UNC80: variants seen among roughly 807,000 people sequenced by gnomAD.
The protein encoded by UNC80 is unc-80 subunit of NALCN channel complex.
Under a neutral mutation model 384.6 loss-of-function variants are expected in UNC80, and 164 were observed. The ratio of observed to expected loss-of-function variants is 0.43; its 90% CI spans 0.38 to 0.49. UNC80 has a LOEUF of 0.49. Ranked by LOEUF, UNC80 falls within the 20% of genes least tolerant of loss-of-function variation. The probability of loss-of-function intolerance (pLI) is 0.00; values close to 1 mark genes in which losing one functional copy is unlikely to be tolerated. For missense variants in UNC80, 3,330 were observed against 4,143.0 expected (o/e 0.80, Z 5.39); for synonymous variants, 1,486 against 1,527.8 (o/e 0.97, Z 0.64).
At chr2:209,967,659 C>A in intron 52 of UNC80, 22 bp downstream of exon 52, 1 of 1,545,850 alleles carries the variant, frequency 6.5e-7, no homozygotes, top group South Asian at 1.2e-5. Context: ...TCCGAGTTAG[C>A]TGTTGCTATC....
chr2:209,970,673 T>C (rs1399349629), intron 53 of UNC80, among the ~76,000 whole-genome samples, 159 bp from the exon 54 acceptor site: 1 of 152,228 alleles, frequency 6.6e-6, no homozygotes, highest in Non-Finnish European at 1.5e-5. Flanking sequence ...ACTCCAGACA[T>C]TACATGCCTT....
intron 4 of UNC80, among the ~76,000 whole-genome samples, chr2:209,783,968 C>T (rs530267116): frequency 6.6e-6 from 1 of 152,302 alleles, no homozygotes; most frequent in Admixed American, 6.5e-5. Context: ...AGTGCTTACT[C>T]GGTATCTCTA....
intron 33 of UNC80, 55 bp from the exon 34 acceptor site, chr2:209,921,445 C>T: frequency 6.7e-7 from 1 of 1,487,162 alleles, no homozygotes; most frequent in East Asian, 2.5e-5. Flanking sequence ...CTCTTTATGC[C>T]TGTGACCTTG....
intron 29 of UNC80, among the ~76,000 whole-genome samples, chr2:209,911,435 G>C (rs1002069897): frequency 4.6e-5 from 7 of 152,120 alleles, no homozygotes. Context: ...AGCACAACAA[G>C]AGCCCTGATT....
In UNC80 at chr2:209,976,777, C is replaced by A; in HGVS notation, c.8773-136C>A. 1 of 978,446 alleles carries A rather than the reference C, an allele frequency of 1.0e-6. No individual in the cohort carries two copies. The highest frequency in any genetic ancestry group is 1.5e-6 in the Non-Finnish European group (1 of 686,674). 60.6% of individuals were successfully genotyped at this position (978,446 alleles called of 1,614,324 possible). On this transcript the variant is annotated intron_variant, in intron 57 of 64. Transcript: ENST00000673920. The surrounding 1 kb of genome is among the most constrained non-coding windows in gnomAD (Gnocchi z 4.3). ...AAAACGATGTAATTATTAAGCACTT[C>A]CTGTGTAAAGTGCCGTTCTAGGAAC...
intron 22 of UNC80, among the ~76,000 whole-genome samples, chr2:209,865,558 C>A (rs1400457772): frequency 6.6e-6 from 1 of 150,782 alleles, no homozygotes; most frequent in Non-Finnish European, 1.5e-5. Context: ...GCCGAGATCC[C>A]GCCACTGCAC....
At chr2:209,929,632 A>C (rs1298103111) in intron 36 of UNC80, among the ~76,000 whole-genome samples, 3 of 152,228 alleles carry the variant, frequency 2.0e-5, no homozygotes, top group Non-Finnish European at 4.4e-5. Context: ...TATTCTTTGC[A>C]AAAGCATTGC....
chr2:209,793,532 A>C (rs1396497620), intron 6 of UNC80, among the ~76,000 whole-genome samples, 188 bp from the exon 7 acceptor site: 1 of 152,214 alleles, frequency 6.6e-6, no homozygotes, highest in Non-Finnish European at 1.5e-5. Context: ...ATCCCTAGAA[A>C]TCTGTTTCTA....
At chr2:209,825,764 C>A in intron 13 of UNC80, 143 bp from the exon 14 acceptor site, 2 of 686,532 alleles carry the variant, frequency 2.9e-6, no homozygotes, top group Non-Finnish European at 4.3e-6. Flanking sequence ...GTTTGTTGAG[C>A]CCGTTACAAT....
intron 24 of UNC80, among the ~76,000 whole-genome samples, chr2:209,879,097 C>T (rs925096978): frequency 1.3e-5 from 2 of 151,690 alleles, no homozygotes; most frequent in African/African-American, 4.9e-5. Context: ...CAAATCAGAG[C>T]AAATCTTCTT....
intron 52 of UNC80, chr2:209,968,068 A>G (rs2092786339): frequency 6.5e-6 from 1 of 153,060 alleles, no homozygotes; most frequent in Non-Finnish European, 1.5e-5. Context: ...TCCAAGCTTT[A>G]CAATAATCGC....
intron 38 of UNC80, among the ~76,000 whole-genome samples, chr2:209,931,497 C>T (rs1308837916): frequency 6.6e-6 from 1 of 151,920 alleles, no homozygotes; most frequent in Admixed American, 6.6e-5. Flanking sequence ...TTTAACTGCC[C>T]TGGCAGTTCT....
intron 44 of UNC80, among the ~76,000 whole-genome samples, chr2:209,942,869 C>CACAT (rs1553608775): frequency 2.6e-5 from 4 of 152,034 alleles, no homozygotes; most frequent in African/African-American, 7.2e-5. Flanking sequence ...CACACACACA[C>CACAT]ACACACACAC....
intron 27 of UNC80, among the ~76,000 whole-genome samples, chr2:209,894,654 G>A (rs1197074464): frequency 6.6e-6 from 1 of 152,168 alleles, no homozygotes; most frequent in Admixed American, 6.5e-5. Flanking sequence ...TTCTGGTGGA[G>A]CCGATGCTGC....
At chr2:209,826,810 T>TA (rs199703094) in intron 14 of UNC80, among the ~76,000 whole-genome samples, 1,825 of 151,822 alleles carry the variant, frequency 0.012, 40 homozygotes, top group African/African-American at 0.04. Flanking sequence ...AATATTCTCT[T>TA]AAAAAAAAGG....
At chr2:209,849,653 GC>G (rs2082383204) in intron 22 of UNC80, 30 bp downstream of exon 22, 3 of 1,546,490 alleles carry the variant, frequency 1.9e-6, no homozygotes, top group Middle Eastern at 1.7e-4. Context: ...TTCCCACCCT[GC>G]CCCCCATCCC....
chr2:209,806,875 A>G (rs2153826708), intron 7 of UNC80, among the ~76,000 whole-genome samples: 1 of 152,354 alleles, frequency 6.6e-6, no homozygotes, highest in African/African-American at 2.4e-5. Context: ...CATAGAGTCA[A>G]GACTGACAGT....
At chr2:209,803,838 T>G (rs1233142472) in intron 7 of UNC80, among the ~76,000 whole-genome samples, 1 of 152,142 alleles carries the variant, frequency 6.6e-6, no homozygotes, top group East Asian at 1.9e-4. Context: ...GCTTAAGCAA[T>G]TCTTCTGCCA....
intron 22 of UNC80, among the ~76,000 whole-genome samples, chr2:209,867,838 C>G (rs1276131816): frequency 6.6e-6 from 1 of 152,114 alleles, no homozygotes; most frequent in Non-Finnish European, 1.5e-5. Context: ...GAAACAAAAG[C>G]AAAATAAAAA....
Sources: gnomAD v4.1 joint callset for allele counts (sites outside exome capture counted in the v4.1 genomes callset) on GRCh38, gnomAD v4.1.1 for gene constraint, Gnocchi (gnomAD v3.1) non-coding constraint, MANE v1.5 for transcripts, NCBI Gene and HGNC (gene_info 2026-07-23, HGNC 2026-07-21) for gene names.